SMARCC1: variants seen among roughly 807,000 people sequenced by gnomAD.
The protein encoded by SMARCC1 is SWI/SNF related BAF chromatin remodeling complex subunit C1.
In SMARCC1, 43 loss-of-function variants were observed where a neutral mutation model predicts 147.4. The observed-to-expected ratio is 0.29, with a 90% CI of 0.23 to 0.38. The LOEUF is 0.38. Among genes scored for constraint, SMARCC1 ranks in the 10% least tolerant of loss-of-function variants. SMARCC1 has a pLI of 1.00. For missense variants in SMARCC1, 1,119 were observed against 1,381.1 expected (o/e 0.81, Z 3.01); for synonymous variants, 495 against 484.4 (o/e 1.02, Z -0.29).
At chr3:47,716,562 G>A (rs2034159184) in intron 7 of SMARCC1, among the ~76,000 whole-genome samples, 1 of 152,034 alleles carries the variant, frequency 6.6e-6, no homozygotes, top group Non-Finnish European at 1.5e-5. Flanking sequence ...ACCTGAGCCA[G>A]CTGCCACATC....
At chr3:47,729,535 G>A (rs561585181) in intron 5 of SMARCC1, among the ~76,000 whole-genome samples, 3 of 152,226 alleles carry the variant, frequency 2.0e-5, no homozygotes, top group Admixed American at 6.5e-5. Flanking sequence ...ACAGGCACCC[G>A]CCAGCACGCC....
chr3:47,693,807 C>T (rs1023915342), intron 11 of SMARCC1, among the ~76,000 whole-genome samples: 12 of 152,182 alleles, frequency 7.9e-5, no homozygotes, highest in Middle Eastern at 3.4e-3. Context: ...GGACTATGGG[C>T]GCATGCCACC....
At chr3:47,776,043 G>C (rs565725627) in intron 1 of SMARCC1, among the ~76,000 whole-genome samples, 2 of 152,038 alleles carry the variant, frequency 1.3e-5, no homozygotes, top group African/African-American at 4.8e-5. Context: ...AGCTGCTTGG[G>C]AGGCTGAGGC....
At chr3:47,612,899 A>G (rs566221703) in intron 25 of SMARCC1, among the ~76,000 whole-genome samples, 1 of 152,248 alleles carries the variant, frequency 6.6e-6, no homozygotes, top group Non-Finnish European at 1.5e-5. Context: ...CATAAGGGCC[A>G]TCTCTGTTCT....
intron 7 of SMARCC1, among the ~76,000 whole-genome samples, chr3:47,718,294 A>T (rs2106806953): frequency 6.6e-6 from 1 of 152,044 alleles, no homozygotes; most frequent in Non-Finnish European, 1.5e-5. Context: ...AAAATACAGA[A>T]ATTAGCCAGG....
At chr3:47,734,606 T>G (rs2034417761) in intron 5 of SMARCC1, among the ~76,000 whole-genome samples, 1 of 152,210 alleles carries the variant, frequency 6.6e-6, no homozygotes, top group African/African-American at 2.4e-5. Flanking sequence ...TCAGCTAGCT[T>G]ACTATGTGAT....
At chr3:47,672,055 AAAT>A (rs2106750336) in intron 18 of SMARCC1, among the ~76,000 whole-genome samples, 1 of 152,366 alleles carries the variant, frequency 6.6e-6, no homozygotes, top group Non-Finnish European at 1.5e-5. Context: ...GCACAAAAAA[AAAT>A]AATGCATCAA....
intron 2 of SMARCC1, among the ~76,000 whole-genome samples, chr3:47,750,081 C>CA (rs34681070): frequency 0.45 from 36,172 of 80,254 alleles, 5,046 homozygotes; most frequent in South Asian, 0.6. Flanking sequence ...GAGTCCATCT[C>CA]AAAAAAAAAA....
chr3:47,616,273 A>G (rs1292078274), intron 25 of SMARCC1, among the ~76,000 whole-genome samples: 3 of 152,190 alleles, frequency 2.0e-5, no homozygotes, highest in African/African-American at 7.2e-5. Context: ...AATGAGTGGT[A>G]GACCCACTGG....
intron 2 of SMARCC1, among the ~76,000 whole-genome samples, chr3:47,752,992 A>G (rs2034644806): frequency 1.3e-5 from 2 of 152,148 alleles, no homozygotes; most frequent in South Asian, 4.1e-4. Context: ...GGTATATATA[A>G]GTGGTTTCAC....
chr3:47,595,798 G>A (rs1439155148), intron 26 of SMARCC1, among the ~76,000 whole-genome samples: 2 of 149,570 alleles, frequency 1.3e-5, no homozygotes, highest in East Asian at 2.0e-4. Flanking sequence ...GCAGTGGGGC[G>A]ATCTCGACTC....
intron 26 of SMARCC1, 121 bp from the exon 27 acceptor site, chr3:47,590,958 G>C: frequency 1.2e-6 from 1 of 867,786 alleles, no homozygotes; most frequent in South Asian, 1.7e-5. Context: ...AATATCAACA[G>C]AGCAATAATC....
intron 7 of SMARCC1, among the ~76,000 whole-genome samples, chr3:47,716,910 G>A (rs2034162324): frequency 6.6e-6 from 1 of 152,142 alleles, no homozygotes; most frequent in African/African-American, 2.4e-5. Flanking sequence ...AGGAATTTGA[G>A]GCCAGTCTGG....
At chr3:47,720,764 C>T (rs571792036) in intron 6 of SMARCC1, 29 bp from the exon 7 acceptor site, 2 of 1,449,520 alleles carry the variant, frequency 1.4e-6, no homozygotes, top group East Asian at 4.5e-5. Flanking sequence ...CAACTTTACT[C>T]AAACTGACAA....
At chr3:47,590,570 A>C (rs2032160407) in intron 27 of SMARCC1, 91 bp downstream of exon 27, 1 of 1,175,092 alleles carries the variant, frequency 8.5e-7, no homozygotes, top group Admixed American at 3.5e-5. Flanking sequence ...GGACCTGCCA[A>C]ATCTCGGGGA....
intron 19 of SMARCC1, chr3:47,663,496 A>G: frequency 1.5e-6 from 1 of 658,800 alleles, no homozygotes; most frequent in East Asian, 2.6e-5. Context: ...CTGTACTCCC[A>G]GCTACTCAGG....
Position 47,737,568 on chromosome 3 carries a change from C to G in SMARCC1, c.483+461G>C, listed in dbSNP as rs146840330. Among the ~76,000 whole-genome samples, 11 of 152,098 alleles carry G rather than the reference C, an allele frequency of 7.2e-5. No homozygotes were observed. The East Asian group carries it at 2.1e-3, about 29-fold the overall frequency. On this transcript the variant is annotated intron_variant, in intron 4 of 27. Transcript: ENST00000254480. Reference sequence around the variant, plus strand: ...CACCCATAAAAATAATAAAACAATACCTTTCAGAACATTTTCTTCCTTTGT... The same window carrying G: ...CACCCATAAAAATAATAAAACAATAGCTTTCAGAACATTTTCTTCCTTTGT...
chr3:47,714,778 A>G (rs1417157312), intron 7 of SMARCC1, among the ~76,000 whole-genome samples: 1 of 152,142 alleles, frequency 6.6e-6, no homozygotes, highest in Admixed American at 6.6e-5. Flanking sequence ...TAGGCAACAG[A>G]GTGATACCCT....
chr3:47,698,315 T>C (rs1442454297), intron 11 of SMARCC1, among the ~76,000 whole-genome samples: 2 of 152,128 alleles, frequency 1.3e-5, no homozygotes, highest in Admixed American at 6.5e-5. Flanking sequence ...CTTCCTGAAA[T>C]TGATGAAACA....
Sources: gnomAD v4.1 joint callset for allele counts (sites outside exome capture counted in the v4.1 genomes callset) on GRCh38, gnomAD v4.1.1 for gene constraint, MANE v1.5 for transcripts, NCBI Gene and HGNC (gene_info 2026-07-23, HGNC 2026-07-21) for gene names.